RIOX1: variants seen among roughly 807,000 people sequenced by gnomAD.
The protein encoded by RIOX1 is ribosomal oxygenase 1, also known as 60S ribosomal protein L8 histidine hydroxylase.
In RIOX1, 33 loss-of-function variants were observed where a neutral mutation model predicts 44.6. That is an observed-to-expected ratio of 0.74 (90% CI 0.56 to 0.99). The LOEUF (loss-of-function observed/expected upper bound fraction) is 0.99, where lower values mean the gene tolerates loss of function less well. RIOX1 is among the 50% of genes least tolerant of loss of function. The probability of loss-of-function intolerance (pLI) is 0.00; values close to 1 mark genes in which losing one functional copy is unlikely to be tolerated. For missense variants in RIOX1, 821 were observed against 871.7 expected, an observed-to-expected ratio of 0.94 and a Z score of 0.73; for synonymous variants, 387 against 395.8, an observed-to-expected ratio of 0.98 and a Z score of 0.26.
rs11410201 is a variant in RIOX1, at chr14:73,492,999, C to CTTTT, written c.*69_*72dup. On this transcript the variant is annotated 3_prime_UTR_variant, in exon 1 of 1. Coordinates refer to ENST00000304061, the MANE Select transcript of RIOX1 (RefSeq NM_024644.5). The surrounding 1 kb of genome is among the most constrained non-coding windows in gnomAD (Gnocchi z 4.9). ...AGTGATTCTCCGCTGCCACTGCTAC[C>CTTTT]TTTTTTTTTTTTTTTTCCTTAAACT... 1,493 of 1,457,250 alleles carry CTTTT rather than the reference C, an allele frequency of 1.0e-3. 2 individuals are homozygous for CTTTT. The highest frequency in any genetic ancestry group is 1.4e-3 in the Middle Eastern group (7 of 5,120). The allele number at this position is 1,457,250 out of a possible 1,614,324, so 90.3% of individuals were successfully genotyped here.
rs776812249 is a variant in RIOX1, at chr14:73,492,166, T to G, written c.1149T>G (p.Gly383=). The G allele has an allele frequency of 1.2e-6, 2 of 1,613,962 alleles. No individual in the cohort carries two copies. The highest frequency in any genetic ancestry group is 3.3e-5 in the Admixed American group (2 of 60,016). ...CCAACTTCAGTCAGGACGACCTCGG[T>G]GAGCCGGTGCTGCAGACCGTGCTGG... ...SSPNFSQDDL[G]EPVLQTVLEP... Residue 383 remains glycine (G), a synonymous_variant, in exon 1 of 1, where the codon GGT becomes GGG. Transcript: ENST00000304061. This position sits in a 1 kb window ranked among gnomAD's most constrained non-coding sequence, Gnocchi z 4.9.
At position 73,492,602 on chromosome 14, in the gene RIOX1, C is replaced by G; in HGVS notation, c.1585C>G (p.Arg529Gly). Reference protein sequence around the residue: ...RALSVYGLPIRWEAGEPVNVG... With the variant: ...RALSVYGLPIGWEAGEPVNVG... ...ACTAAGTGTTTACGGGCTTCCAATT[C>G]GCTGGGAGGCTGGAGAACCTGTAAA... The change falls in exon 1 of 1, where the codon CGC (arginine) becomes GGC (glycine). Residue 529 changes from arginine (R) to glycine (G), a missense_variant. By Grantham distance (125) the Arg-to-Gly change is moderately radical (BLOSUM62 -2). Around this residue, in one of 2 missense-constraint regions of RIOX1, gnomAD observed 267 missense variants for 340.5 expected, o/e 0.78. Transcript: ENST00000304061. The surrounding 1 kb of genome is among the most constrained non-coding windows in gnomAD (Gnocchi z 4.9). 6.2e-7 allele frequency: 1 copy of G among 1,613,840 alleles called. No individual in the cohort carries two copies. Among genetic ancestry groups the G allele is most frequent in the Admixed American group, 1.7e-5 (1 of 59,992 alleles).
In RIOX1 at chr14:73,493,310, A is replaced by C; in HGVS notation, c.*367A>C. ...GGATCTTTCATCTGAGTTCTTTTTC[A>C]TGGGCGGGTCGGGGTCAGTATCCTG... is the stretch of plus-strand genomic sequence containing the variant. On this transcript the variant is annotated 3_prime_UTR_variant, in exon 1 of 1. Transcript: ENST00000304061. 1.7e-6 allele frequency: 1 copy of C among 573,352 alleles called. No homozygotes were observed. 35.5% of individuals were successfully genotyped at this position (573,352 alleles called of 1,614,324 possible). A position where few individuals can be genotyped will look rare whatever the true frequency, so the allele number is the denominator to read the frequency against.
chr14:73,490,989 C>A lies in RIOX1; in HGVS notation c.-29C>A. 7.5e-7 allele frequency: 1 copy of A among 1,337,246 alleles called. No homozygotes were observed. Among genetic ancestry groups the A allele is most frequent in the South Asian group, 2.1e-5 (1 of 47,034 alleles). 82.8% of individuals were successfully genotyped at this position (1,337,246 alleles called of 1,614,324 possible). On this transcript the variant is annotated 5_prime_UTR_variant, in exon 1 of 1. Transcript: ENST00000304061. ...CGCTTTAGCTTCGCCCCCGGCCGGC[C>A]GGGCGGGGAAGACTGGTGTGGTCTG...
Position 73,492,018 on chromosome 14 carries a change from C to T in RIOX1, c.1001C>T (p.Ser334Leu). 2 of 1,613,990 alleles carry T rather than the reference C, an allele frequency of 1.2e-6. No individual in the cohort carries two copies. Residue 334 changes from serine to leucine, a missense_variant, in exon 1 of 1, where the codon TCG becomes TTG. Physicochemically the swap from Ser to Leu is moderately radical, Grantham distance 145. Transcript: ENST00000304061. The surrounding 1 kb of genome is among the most constrained non-coding windows in gnomAD (Gnocchi z 4.9). Reference protein sequence around the residue: ...GSNVYLTPPNSQGFAPHYDDI... With the variant: ...GSNVYLTPPNLQGFAPHYDDI... ...AACGTTTACCTCACGCCCCCTAACT[C>T]GCAGGGCTTTGCCCCCCACTACGAC... is the stretch of plus-strand genomic sequence containing the variant.
chr14:73,492,979 T>C lies in RIOX1; in HGVS notation c.*36T>C. 1 of 1,600,072 alleles carries C rather than the reference T, an allele frequency of 6.2e-7. No homozygotes were observed. Among genetic ancestry groups the C allele is most frequent in the Non-Finnish European group, 8.5e-7 (1 of 1,175,650 alleles). On this transcript the variant is annotated 3_prime_UTR_variant, in exon 1 of 1. Coordinates refer to ENST00000304061, the MANE Select transcript of RIOX1 (RefSeq NM_024644.5). This position sits in a 1 kb window ranked among gnomAD's most constrained non-coding sequence, Gnocchi z 4.9. Reference sequence around the variant, plus strand: ...ATTGCTGGAAACAAGGCAGTAGTGATTCTCCGCTGCCACTGCTACCTTTTT... The same window carrying C: ...ATTGCTGGAAACAAGGCAGTAGTGACTCTCCGCTGCCACTGCTACCTTTTT...
Position 73,491,787 on chromosome 14 carries a change from A to T in RIOX1, c.770A>T (p.Gln257Leu). ...LDSMLRNEEV[Q>L]FGQHLDAARY... ...TCGATGCTGCGCAACGAGGAGGTGC[A>T]GTTCGGCCAGCATTTGGACGCCGCT... Residue 257 changes from glutamine to leucine, a missense_variant, in exon 1 of 1, where the codon CAG becomes CTG. Around this residue, in one of 2 missense-constraint regions of RIOX1, gnomAD observed 554 missense variants for 531.2 expected, o/e 1.04. Coordinates refer to ENST00000304061, the MANE Select transcript of RIOX1 (RefSeq NM_024644.5). The T allele has an allele frequency of 6.3e-7, 1 of 1,584,254 alleles. No homozygotes were observed. The highest frequency in any genetic ancestry group is 8.6e-7 in the Non-Finnish European group (1 of 1,166,262).
In RIOX1 at chr14:73,491,161, C is replaced by T. The variant is rs1198563353; in HGVS notation, c.144C>T (p.Ser48=). The T allele has an allele frequency of 1.2e-6, 2 of 1,605,408 alleles. No individual in the cohort carries two copies. Among genetic ancestry groups the T allele is most frequent in the Non-Finnish European group, 1.7e-6 (2 of 1,176,082 alleles). ...KIRKQLRSVV[S]RMAALRTQTL... is the part of the protein sequence containing the mutation. ...GAAAGCAGCTGCGAAGTGTTGTATC[C>T]CGCATGGCAGCGCTGAGGACGCAGA... Residue 48 remains serine (S), a synonymous_variant, in exon 1 of 1, where the codon TCC becomes TCT. Coordinates refer to ENST00000304061, the MANE Select transcript of RIOX1 (RefSeq NM_024644.5).
In RIOX1 at chr14:73,490,941, C is replaced by G; in HGVS notation, c.-77C>G. 1 of 1,279,176 alleles carries G rather than the reference C, an allele frequency of 7.8e-7. No individual in the cohort carries two copies. Among genetic ancestry groups the G allele is most frequent in the Non-Finnish European group, 9.9e-7 (1 of 1,007,982 alleles). The allele number at this position is 1,279,176 out of a possible 1,614,324, so 79.2% of individuals were successfully genotyped here. A position where few individuals can be genotyped will look rare whatever the true frequency, so the allele number is the denominator to read the frequency against. On this transcript the variant is annotated 5_prime_UTR_variant, in exon 1 of 1. Transcript: ENST00000304061. ...GGCCGCGCCCCCTTCCCAGAGTGCA[C>G]CGCAGCCGCTGCATTCAGGAACCGC... is the stretch of plus-strand genomic sequence containing the variant.
Position 73,491,724 on chromosome 14 carries a change from C to T in RIOX1, c.707C>T (p.Thr236Ile), listed in dbSNP as rs1372318552. 1.3e-6 allele frequency: 2 copies of T among 1,552,060 alleles called. No individual in the cohort carries two copies. The highest frequency in any genetic ancestry group is 2.4e-5 in the East Asian group (1 of 41,064). ...EAVLVRRQDH[T>I]YYQGLFSTAD... Reference sequence around the variant, plus strand: ...GTGCTGGTGCGGCGGCAGGACCACACCTACTACCAGGGACTTTTCTCTACC... The same window carrying T: ...GTGCTGGTGCGGCGGCAGGACCACATCTACTACCAGGGACTTTTCTCTACC... The change falls in exon 1 of 1, where the codon ACC (threonine) becomes ATC (isoleucine). Residue 236 changes from threonine to isoleucine, a missense_variant. Thr to Ile is a moderately conservative substitution (Grantham distance 89, BLOSUM62 -1). Coordinates refer to ENST00000304061, the MANE Select transcript of RIOX1 (RefSeq NM_024644.5).
At position 73,491,887 on chromosome 14, in the gene RIOX1, C is replaced by A; in HGVS notation, c.870C>A (p.Tyr290Ter). 6.2e-7 allele frequency: 1 copy of A among 1,611,762 alleles called. No homozygotes were observed. The highest frequency in any genetic ancestry group is 8.5e-7 in the Non-Finnish European group (1 of 1,179,210). The stretch of plus-strand genomic sequence containing the variant: ...TGCCCGCCGCCGCGTGGTCCCTGTA[C>A]CAGGCCGGCTGCTCCCTGCGTCTCC... ...RALPAAAWSL[Y>*]QAGCSLRLLC... is the part of the protein sequence containing the mutation. Residue 290 changes from tyrosine to a stop codon, truncating the protein, a stop_gained, in exon 1 of 1, where the codon TAC (tyrosine) becomes TAA (stop). Coordinates refer to ENST00000304061, the MANE Select transcript of RIOX1 (RefSeq NM_024644.5). LOFTEE classifies it high-confidence loss of function.
chr14:73,491,775 A>G lies in RIOX1; in HGVS notation c.758A>G (p.Asn253Ser). Residue 253 changes from asparagine to serine, a missense_variant, in exon 1 of 1, where the codon AAC becomes AGC. By Grantham distance (46) the Asn-to-Ser change is conservative. Transcript: ENST00000304061. ...GCTGACCTGGATTCGATGCTGCGCAACGAGGAGGTGCAGTTCGGCCAGCAT... is the reference window on the plus strand; with the variant it reads ...GCTGACCTGGATTCGATGCTGCGCAGCGAGGAGGTGCAGTTCGGCCAGCAT... Reference protein sequence around the residue: ...STADLDSMLRNEEVQFGQHLD... With the variant: ...STADLDSMLRSEEVQFGQHLD... 1 of 1,573,382 alleles carries G rather than the reference A, an allele frequency of 6.4e-7. No individual in the cohort carries two copies. Among genetic ancestry groups the G allele is most frequent in the Non-Finnish European group, 8.6e-7 (1 of 1,160,226 alleles).
At position 73,493,104 on chromosome 14, in the gene RIOX1, T is replaced by C; in HGVS notation, c.*161T>C. ...TCAGTGTCACAAACCTCGGAAGGTC[T>C]TCTAGGAAGAACCATCTCATCTAGG... On this transcript the variant is annotated 3_prime_UTR_variant, in exon 1 of 1. Coordinates refer to ENST00000304061, the MANE Select transcript of RIOX1 (RefSeq NM_024644.5). 6.2e-7 allele frequency: 1 copy of C among 1,613,444 alleles called. No homozygotes were observed. The highest frequency in any genetic ancestry group is 8.5e-7 in the Non-Finnish European group (1 of 1,179,844).
At position 73,490,996 on chromosome 14, in the gene RIOX1, G is replaced by A; in HGVS notation, c.-22G>A. On this transcript the variant is annotated 5_prime_UTR_variant, in exon 1 of 1. Transcript: ENST00000304061. ...GCTTCGCCCCCGGCCGGCCGGGCGG[G>A]GAAGACTGGTGTGGTCTGGCCATGG... 1 of 1,359,290 alleles carries A rather than the reference G, an allele frequency of 7.4e-7. No individual in the cohort carries two copies. Among genetic ancestry groups the A allele is most frequent in the Non-Finnish European group, 9.5e-7 (1 of 1,048,434 alleles). The allele number at this position is 1,359,290 out of a possible 1,614,324, so 84.2% of individuals were successfully genotyped here.
chr14:73,492,949 T>G lies in RIOX1; in HGVS notation c.*6T>G. The G allele has an allele frequency of 6.2e-7, 1 of 1,611,832 alleles. No individual in the cohort carries two copies. The highest frequency in any genetic ancestry group is 1.7e-5 in the Admixed American group (1 of 59,758). ...TGCCTCTAGCCCTAAATTAGTTTCT[T>G]GTTGATTGCTGGAAACAAGGCAGTA... On this transcript the variant is annotated 3_prime_UTR_variant, in exon 1 of 1. Transcript: ENST00000304061. This position sits in a 1 kb window ranked among gnomAD's most constrained non-coding sequence, Gnocchi z 4.9.
chr14:73,493,062 T>A lies in RIOX1; in HGVS notation c.*119T>A. ...TTGATAAGCATCAGTGTGCTCACATTTACCTTTATCACTGCTTCAGTGTCA... is the reference window on the plus strand; with the variant it reads ...TTGATAAGCATCAGTGTGCTCACATATACCTTTATCACTGCTTCAGTGTCA... On this transcript the variant is annotated 3_prime_UTR_variant, in exon 1 of 1. Coordinates refer to ENST00000304061, the MANE Select transcript of RIOX1 (RefSeq NM_024644.5). 6.2e-7 allele frequency: 1 copy of A among 1,610,490 alleles called. No homozygotes were observed. The highest frequency in any genetic ancestry group is 1.7e-5 in the Admixed American group (1 of 59,640).
chr14:73,492,041 G>T lies in RIOX1; in HGVS notation c.1024G>T (p.Asp342Tyr). 1.9e-6 allele frequency: 3 copies of T among 1,613,938 alleles called. No homozygotes were observed. Among genetic ancestry groups the T allele is most frequent in the Non-Finnish European group, 1.7e-6 (2 of 1,179,884 alleles). ...CTCGCAGGGCTTTGCCCCCCACTAC[G>T]ACGACATCGAGGCCTTCGTGCTGCA... ...PNSQGFAPHY[D>Y]DIEAFVLQLE... The change falls in exon 1 of 1, where the codon GAC becomes TAC. Residue 342 changes from aspartate (D) to tyrosine (Y), a missense_variant. By Grantham distance (160) the Asp-to-Tyr change is radical (BLOSUM62 -3). Around this residue, in one of 2 missense-constraint regions of RIOX1, gnomAD observed 554 missense variants for 531.2 expected, o/e 1.04. Transcript: ENST00000304061. This position sits in a 1 kb window ranked among gnomAD's most constrained non-coding sequence, Gnocchi z 4.9.
rs781077622 is a variant in RIOX1 at position 73,491,077 on chromosome 14, C to A, written c.60C>A (p.Arg20=). The A allele has an allele frequency of 1.3e-6, 2 of 1,597,330 alleles. No individual in the cohort carries two copies. Among genetic ancestry groups the A allele is most frequent in the African/African-American group, 1.4e-5 (1 of 73,898 alleles). ...GGCGCGGGCGGCCGAAGCGCCGGCG[C>A]AAGCCCCAGCCACACAGCGGGTCGG... The part of the protein sequence containing the change: ...PLRRGRPKRR[R]KPQPHSGSVL... The change falls in exon 1 of 1, where the codon CGC becomes CGA. Residue 20 remains arginine (R), a synonymous_variant. Transcript: ENST00000304061.
rs1885808225 is a variant in RIOX1 at position 73,492,130 on chromosome 14, G to A, written c.1113G>A (p.Leu371=). Residue 371 remains leucine (L), a synonymous_variant, in exon 1 of 1, where the codon CTG becomes CTA. Transcript: ENST00000304061. The surrounding 1 kb of genome is among the most constrained non-coding windows in gnomAD (Gnocchi z 4.9). ...RPRVPTEELA[L]TSSPNFSQDD... is the part of the protein sequence containing the mutation. ...GAGTCCCAACCGAGGAACTGGCTCTGACATCCAGCCCCAACTTCAGTCAGG... is the reference window on the plus strand; with the variant it reads ...GAGTCCCAACCGAGGAACTGGCTCTAACATCCAGCCCCAACTTCAGTCAGG... 2.5e-6 allele frequency: 4 copies of A among 1,613,812 alleles called. No homozygotes were observed. In the South Asian group the frequency reaches 3.3e-5, roughly 13 times the overall value.
Sources: allele counts gnomAD v4.1 joint callset, GRCh38; gene constraint gnomAD v4.1.1; regional missense constraint gnomAD v4.1.1; non-coding constraint Gnocchi (gnomAD v3.1); transcripts MANE v1.5; gene names NCBI Gene and HGNC (gene_info 2026-07-23, HGNC 2026-07-21).